The following RNF180 variants were observed in gnomAD, a reference collection of about 807,000 sequenced individuals.
RNF180 encodes ring finger protein 180.
RNF180 carries 38 observed loss-of-function variants against 59.2 expected under a neutral mutation model. That is an observed-to-expected ratio of 0.64 (90% CI 0.50 to 0.84). The LOEUF (loss-of-function observed/expected upper bound fraction) is 0.84. Among genes scored for constraint, RNF180 ranks in the 40% least tolerant of loss-of-function variants. The pLI is 0.00. For missense variants in RNF180, 705 were observed against 700.9 expected, an observed-to-expected ratio of 1.01 and a Z score of -0.07; for synonymous variants, 262 against 240.3, an observed-to-expected ratio of 1.09 and a Z score of -0.84.
At chr5:64,244,474 C>G (rs542417476) in intron 5 of RNF180, among the ~76,000 whole-genome samples, 9 of 151,202 alleles carry the variant, frequency 6.0e-5, no homozygotes, top group African/African-American at 2.2e-4. Flanking sequence ...TCAATCAAGT[C>G]GAAGAAAGGA....
At chr5:64,216,606 A>G (rs1752642733) in intron 4 of RNF180, among the ~76,000 whole-genome samples, 1 of 152,206 alleles carries the variant, frequency 6.6e-6, no homozygotes, top group African/African-American at 2.4e-5. Context: ...GACATCTTTC[A>G]GTAATCTATG....
chr5:64,365,743 T>C (rs1746424317), intron 7 of RNF180, among the ~76,000 whole-genome samples: 1 of 151,738 alleles, frequency 6.6e-6, no homozygotes, highest in Non-Finnish European at 1.5e-5. Context: ...CCCCTCTTTG[T>C]CTTTTTTTAT....
chr5:64,306,917 A>C (rs1743497265), intron 5 of RNF180, among the ~76,000 whole-genome samples: 1 of 151,628 alleles, frequency 6.6e-6, no homozygotes, highest in Admixed American at 6.6e-5. Flanking sequence ...TGGCACATGT[A>C]TACATAGGTA....
At chr5:64,258,176 G>C (rs1744096307) in intron 5 of RNF180, among the ~76,000 whole-genome samples, 1 of 152,176 alleles carries the variant, frequency 6.6e-6, no homozygotes, top group Non-Finnish European at 1.5e-5. Flanking sequence ...ACATGTTCTT[G>C]TAACATTGGT....
chr5:64,249,537 G>T (rs1743426351), intron 5 of RNF180, among the ~76,000 whole-genome samples: 1 of 151,196 alleles, frequency 6.6e-6, no homozygotes, highest in African/African-American at 2.5e-5. Context: ...CATCAAATCT[G>T]CCTTATAAGA....
intron 5 of RNF180, among the ~76,000 whole-genome samples, chr5:64,318,825 T>A (rs1744196295): frequency 1.3e-5 from 2 of 152,118 alleles, no homozygotes; most frequent in African/African-American, 4.8e-5. Flanking sequence ...ATGAAGCAAA[T>A]TGATTTTTTA....
chr5:64,278,224 C>A (rs1002920859), intron 5 of RNF180, among the ~76,000 whole-genome samples: 1 of 152,104 alleles, frequency 6.6e-6, no homozygotes, highest in African/African-American at 2.4e-5. Context: ...GCACTTTTAA[C>A]GTAATGATCT....
intron 7 of RNF180, among the ~76,000 whole-genome samples, chr5:64,362,865 C>A (rs1193499747): frequency 6.6e-6 from 1 of 151,362 alleles, no homozygotes; most frequent in Non-Finnish European, 1.5e-5. Context: ...TTTGCTGTTT[C>A]TTGGCCATAT....
At chr5:64,235,039 G>A (rs1451196249) in intron 5 of RNF180, among the ~76,000 whole-genome samples, 1 of 152,192 alleles carries the variant, frequency 6.6e-6, no homozygotes, top group Non-Finnish European at 1.5e-5. Context: ...TACTTTGGGA[G>A]GCCAGGGCAG....
chr5:64,345,997 A>G (rs1480851861), intron 7 of RNF180, among the ~76,000 whole-genome samples: 1 of 151,044 alleles, frequency 6.6e-6, no homozygotes, highest in Non-Finnish European at 1.5e-5. Flanking sequence ...ATTTTTTTTT[A>G]GGGAAAGTAA....
chr5:64,196,326 A>T (rs897977182), intron 1 of RNF180, among the ~76,000 whole-genome samples: 5 of 152,034 alleles, frequency 3.3e-5, no homozygotes, highest in Admixed American at 2.6e-4. Flanking sequence ...TAATGGAATG[A>T]TTTTAAAGTT....
intron 5 of RNF180, among the ~76,000 whole-genome samples, chr5:64,285,522 G>A (rs1309978364): frequency 6.6e-6 from 1 of 151,972 alleles, no homozygotes; most frequent in Non-Finnish European, 1.5e-5. Flanking sequence ...TAGACCACAG[G>A]TGGACAGGTG....
At chr5:64,246,724 C>T (rs868548396) in intron 5 of RNF180, among the ~76,000 whole-genome samples, 1 of 152,118 alleles carries the variant, frequency 6.6e-6, no homozygotes, top group African/African-American at 2.4e-5. Flanking sequence ...CTATTCCAAA[C>T]AATAGAAAAA....
intron 5 of RNF180, among the ~76,000 whole-genome samples, chr5:64,239,880 T>G (rs932412228): frequency 6.6e-6 from 1 of 152,198 alleles, no homozygotes; most frequent in Non-Finnish European, 1.5e-5. Flanking sequence ...TACAATTGTT[T>G]GCTAAATATA....
chr5:64,231,215 G>C lies in RNF180; in HGVS notation c.1227+13819G>C, dbSNP rs1742081957. Among the ~76,000 whole-genome samples, 9 of 152,246 alleles carry C rather than the reference G, an allele frequency of 5.9e-5. No individual in the cohort carries two copies. The South Asian group carries it at 1.9e-3, about 32-fold the overall frequency. Reference sequence around the variant, plus strand: ...TTAGACAATAAATCACATCTTCTTGGTACATAAATAACACATATGTAGCAC... The same window carrying C: ...TTAGACAATAAATCACATCTTCTTGCTACATAAATAACACATATGTAGCAC... On this transcript the variant is annotated intron_variant, in intron 5 of 7. Transcript: ENST00000389100.
chr5:64,214,709 T>G (rs1034784203), intron 4 of RNF180, among the ~76,000 whole-genome samples, 192 bp downstream of exon 4: 4 of 152,146 alleles, frequency 2.6e-5, no homozygotes, highest in Admixed American at 1.3e-4. Flanking sequence ...GTCTCTATGC[T>G]TCATGCATGT....
In RNF180 at chr5:64,277,878, C is replaced by T. The variant is rs145741035; in HGVS notation, c.1228-47308C>T. 7.2e-5 allele frequency among the ~76,000 whole-genome samples: 11 copies of T among 152,270 alleles called. No homozygotes were observed. In the South Asian group the frequency reaches 1.7e-3, roughly 23 times the overall value. On this transcript the variant is annotated intron_variant, in intron 5 of 7. Transcript: ENST00000389100. ...CTCATTGGCCAAAGCTGGGCCAACT[C>T]TAGCTGAAGAATGCCTAGGTAAACA...
chr5:64,365,873 G>C (rs1283345599), intron 7 of RNF180, among the ~76,000 whole-genome samples: 1 of 151,546 alleles, frequency 6.6e-6, no homozygotes, highest in East Asian at 1.9e-4. Context: ...GTCATTGCAT[G>C]TAAGATGAGT....
In RNF180 at chr5:64,367,171, G is replaced by C. The variant is rs570456304; in HGVS notation, c.1580-2444G>C. Among the ~76,000 whole-genome samples the C allele has an allele frequency of 4.0e-5, 6 of 151,702 alleles. 1 individual carries two copies. The South Asian group carries it at 1.2e-3, about 31-fold the overall frequency. On this transcript the variant is annotated intron_variant, in intron 7 of 7. Transcript: ENST00000389100. Reference sequence around the variant, plus strand: ...TGCCTTTTCCAGACAAGGAAATGCTGATGGAATTCATCACCACCAGACTGG... The same window carrying C: ...TGCCTTTTCCAGACAAGGAAATGCTCATGGAATTCATCACCACCAGACTGG...
Sources: allele counts gnomAD v4.1 joint callset (sites outside exome capture counted in the v4.1 genomes callset), GRCh38; gene constraint gnomAD v4.1.1; transcripts MANE v1.5; gene names NCBI Gene and HGNC (gene_info 2026-07-23, HGNC 2026-07-21).